Variants in MYL5 observed in about 807,000 individuals in gnomAD.
The protein encoded by MYL5 is myosin regulatory light chain 5.
Under a neutral mutation model 20.8 loss-of-function variants are expected in MYL5, and 28 were observed. That is an observed-to-expected ratio of 1.35 (90% confidence interval 1.00 to 1.84). The LOEUF (loss-of-function observed/expected upper bound fraction) is 1.84, where lower values mean the gene tolerates loss of function less well. MYL5 is among the 40% of genes most tolerant of loss of function. The pLI, the probability that MYL5 is intolerant of heterozygous loss-of-function variation, is 0.00. For missense variants in MYL5, 274 were observed against 227.3 expected (o/e 1.21, Z -1.32); for synonymous variants, 118 against 87.4 (o/e 1.35, Z -1.95).
upstream of MYL5, chr4:674,546 C>T (rs1738701480): frequency 1.0e-5 from 5 of 485,220 alleles, no homozygotes; most frequent in South Asian, 2.5e-5. Flanking sequence ...GGTTTCCTTT[C>T]CCCGCAGGGC....
chr4:678,878 G>C, intron 2 of MYL5, 80 bp from the exon 5 acceptor site: 1 of 1,606,432 alleles, frequency 6.2e-7, no homozygotes, highest in Non-Finnish European at 8.5e-7. Flanking sequence ...CTCAGTCAGG[G>C]GTGCTGAGGA....
At chr4:681,657 GCCGCCCCGCCCCCTC>G (rs1229518204) in intron 6 of MYL5, among the ~76,000 whole-genome samples, 11 of 10,130 alleles carry the variant, frequency 1.1e-3, no homozygotes, top group Admixed American at 1.9e-3. Context: ...CCCCTCCAGC[GCCGCCCCGCCCCCTC>G]CAGCGCCGCC....
intron 5 of MYL5, 38 bp downstream of exon 7, chr4:680,625 G>A: frequency 6.3e-7 from 1 of 1,598,270 alleles, no homozygotes; most frequent in South Asian, 1.1e-5. Context: ...CGGCTTCCGG[G>A]GAACCCCAGT....
Position 681,838 on chromosome 4 carries a change from G to A in MYL5, c.421-55G>A, listed in dbSNP as rs1739712547. The A allele has an allele frequency of 6.2e-6, 8 of 1,291,320 alleles. No homozygotes were observed. The South Asian group carries it at 1.0e-4, about 16-fold the overall frequency. The allele number at this position is 1,291,320 out of a possible 1,614,324, so 80.0% of individuals were successfully genotyped here. A position where few individuals can be genotyped will look rare whatever the true frequency, so the allele number is the denominator to read the frequency against. On this transcript the variant is annotated intron_variant, in intron 6 of 6. Transcript: ENST00000400159. ...CCACACCCGGGGCCGCTGCAGGTGC[G>A]CGCTTGTAATTCGCTCCCGGAGCCC...
chr4:678,111 G>T, intron 1 of MYL5, 82 bp downstream of exon 3: 1 of 1,588,090 alleles, frequency 6.3e-7, no homozygotes, highest in Admixed American at 1.8e-5. Flanking sequence ...ACAGACGAGC[G>T]TGGGCGTGTC....
At chr4:680,984 G>C (rs1739419653) in intron 5 of MYL5, 108 bp from the exon 8 acceptor site, 1 of 1,229,560 alleles carries the variant, frequency 8.1e-7, no homozygotes, top group African/African-American at 1.5e-5. Context: ...GGAAGGGCGG[G>C]AGTGCAGTGA....
rs1033194520 is a variant in MYL5, at chr4:678,696, C to T, written c.42C>T (p.Leu14=). 5 of 1,611,516 alleles carry T rather than the reference C, an allele frequency of 3.1e-6. No individual in the cohort carries two copies. In the Admixed American group the frequency reaches 5.0e-5, roughly 16 times the overall value. ...CCAAGAAGAAGGAAGGGGGTGCCCT[C>T]CGGGCCCAGAGAGCCTCATCCAATG... Residue 14 remains leucine (L), a synonymous_variant, in exon 2 of 7, where the codon CTC becomes CTT. Coordinates refer to ENST00000400159, the Ensembl canonical transcript of MYL5.
intron 1 of MYL5, 134 bp from the exon 4 acceptor site, chr4:678,524 C>G: frequency 6.9e-7 from 1 of 1,456,214 alleles, no homozygotes. Context: ...GCATGCTCCT[C>G]AGCTGTCTGG....
chr4:678,605 G>A (rs1739098190), intron 1 of MYL5, 53 bp from the exon 4 acceptor site: 1 of 1,562,540 alleles, frequency 6.4e-7, no homozygotes, highest in Non-Finnish European at 8.7e-7. Context: ...TGGGTGCCCT[G>A]GAGGGTTTCG....
In MYL5 at chr4:679,553, C is replaced by T. The variant is rs1329761092; in HGVS notation, c.188-361C>T. ...TGACCTGAGGCAGGAGGGCAGGGGGCTTCGGTCCTGCCCTGGGAGCTGGGG... is the reference window on the plus strand; with the variant it reads ...TGACCTGAGGCAGGAGGGCAGGGGGTTTCGGTCCTGCCCTGGGAGCTGGGG... On this transcript the variant is annotated intron_variant, in intron 3 of 6. Transcript: ENST00000400159. Among the ~76,000 whole-genome samples, 3 of 152,162 alleles carry T rather than the reference C, an allele frequency of 2.0e-5. No individual in the cohort carries two copies. The East Asian group carries it at 5.8e-4, about 29-fold the overall frequency.
At chr4:681,198 A>G in intron 6 of MYL5, 58 bp downstream of exon 8, 2 of 1,560,600 alleles carry the variant, frequency 1.3e-6, no homozygotes, top group East Asian at 2.3e-5. Flanking sequence ...TCCCGGGGTC[A>G]GCTGGGTGGA....
chr4:678,893 G>A, intron 2 of MYL5, 65 bp from the exon 5 acceptor site: 1 of 1,609,352 alleles, frequency 6.2e-7, no homozygotes, highest in Middle Eastern at 1.7e-4. Context: ...TGAGGAACCG[G>A]GAGCAGGGGG....
intron 2 of MYL5, 38 bp from the exon 5 acceptor site, chr4:678,920 C>T (rs761139370): frequency 2.9e-5 from 47 of 1,611,624 alleles, no homozygotes; most frequent in East Asian, 1.6e-4. Flanking sequence ...AGAGCCCAGC[C>T]GGGTTGGCAG....
chr4:681,358 G>A (rs1258789358), intron 6 of MYL5, among the ~76,000 whole-genome samples: 2 of 152,080 alleles, frequency 1.3e-5, no homozygotes, highest in African/African-American at 4.8e-5. Flanking sequence ...CGTTAGATCA[G>A]CGGCTGGAGA....
chr4:679,547 A>T lies in MYL5; in HGVS notation c.188-367A>T, dbSNP rs1167467711. Among the ~76,000 whole-genome samples the T allele has an allele frequency of 2.0e-5, 3 of 152,184 alleles. No homozygotes were observed. The East Asian group carries it at 5.8e-4, about 29-fold the overall frequency. On this transcript the variant is annotated intron_variant, in intron 3 of 6. Coordinates refer to ENST00000400159, the Ensembl canonical transcript of MYL5. ...TGCCTCTGACCTGAGGCAGGAGGGC[A>T]GGGGGCTTCGGTCCTGCCCTGGGAG...
At chr4:679,984 C>T in exon 4 of MYL5, 1 of 1,613,574 alleles carries the variant, frequency 6.2e-7, no homozygotes, top group South Asian at 1.1e-5. Context: ...TCAACTTCAC[C>T]ATGTTTCTGA....
intron 2 of MYL5, 57 bp from the exon 5 acceptor site, chr4:678,901 G>C: frequency 6.2e-7 from 1 of 1,607,484 alleles, no homozygotes; most frequent in South Asian, 1.1e-5. Context: ...CGGGAGCAGG[G>C]GGCGGGGCAG....
chr4:681,865 C>T (rs1349113803), intron 6 of MYL5, 28 bp from the exon 9 acceptor site: 7 of 1,309,120 alleles, frequency 5.3e-6, no homozygotes, highest in African/African-American at 3.0e-5. Flanking sequence ...CCGGAGCCCG[C>T]AAGGAGCCCT....
chr4:680,339 C>T (rs916971621), intron 4 of MYL5, among the ~76,000 whole-genome samples, 170 bp from the exon 7 acceptor site: 3 of 152,158 alleles, frequency 2.0e-5, no homozygotes, highest in Non-Finnish European at 4.4e-5. Flanking sequence ...CCCGACAAGG[C>T]CTCCTTGGGG....
Sources: gnomAD v4.1 joint callset for allele counts (sites outside exome capture counted in the v4.1 genomes callset) on GRCh38, gnomAD v4.1.1 for gene constraint, MANE v1.5 for transcripts, NCBI Gene and HGNC (gene_info 2026-07-23, HGNC 2026-07-21) for gene names.